The following SLC22A24 variants were observed in gnomAD, a reference collection of about 807,000 sequenced individuals.
SLC22A24 encodes solute carrier family 22 member 24, also known as steroid transmembrane transporter SLC22A24.
A neutral mutation model predicts 49.8 loss-of-function variants in SLC22A24; 53 were observed. The observed-to-expected ratio is 1.06, with a 90% CI of 0.85 to 1.34. The LOEUF (loss-of-function observed/expected upper bound fraction) is 1.34. SLC22A24 is among the 40% of genes most tolerant of loss of function. SLC22A24 has a pLI of 0.00. For synonymous variants in SLC22A24, 302 were observed against 256.4 expected, an observed-to-expected ratio of 1.18 and a Z score of -1.70; for missense variants, 786 against 675.9, an observed-to-expected ratio of 1.16 and a Z score of -1.81.
At chr11:63,137,678 C>A (rs2087385088) in intron 1 of SLC22A24, among the ~76,000 whole-genome samples, 1 of 152,120 alleles carries the variant, frequency 6.6e-6, no homozygotes, top group Non-Finnish European at 1.5e-5. Context: ...ATTCAGTTAC[C>A]CATGCAGCCC....
intron 6 of SLC22A24, among the ~76,000 whole-genome samples, chr11:63,092,949 C>A (rs1471217712): frequency 1.3e-5 from 2 of 152,044 alleles, no homozygotes; most frequent in Non-Finnish European, 2.9e-5. Flanking sequence ...ACCTATCTGA[C>A]AAAAGGCTAA....
intron 2 of SLC22A24, among the ~76,000 whole-genome samples, chr11:63,130,017 A>C (rs1355841749): frequency 6.6e-6 from 1 of 152,192 alleles, no homozygotes; most frequent in Non-Finnish European, 1.5e-5. Flanking sequence ...ACTATGTTGA[A>C]TAGGAGTGGT....
At position 63,110,439 on chromosome 11, in the gene SLC22A24, A is replaced by G. The variant is rs947177372; in HGVS notation, c.831-6141T>C. Among the ~76,000 whole-genome samples, 387 of 150,974 alleles carry G rather than the reference A, an allele frequency of 2.6e-3. 1 individual carries two copies. Among genetic ancestry groups the G allele is most frequent in the African/African-American group, 8.6e-3 (356 of 41,248 alleles). ...ATTGAATCTATAAATTATCTTGGGC[A>G]GTATGGCCATTTTCACGATATTGAT... On this transcript the variant is annotated intron_variant, in intron 4 of 9. Coordinates refer to ENST00000612278, the MANE Select transcript of SLC22A24 (RefSeq NM_001136506.2).
chr11:63,143,842 G>C lies in SLC22A24; in HGVS notation c.-63C>G. On this transcript the variant is annotated 5_prime_UTR_variant, in exon 1 of 10. Coordinates refer to ENST00000612278, the MANE Select transcript of SLC22A24 (RefSeq NM_001136506.2). Reference sequence around the variant, plus strand: ...GACTTTATGAAGAGAAGTTCAGAGGGAGAAAATGTCCCCTTTCACAAAGTT... The same window carrying C: ...GACTTTATGAAGAGAAGTTCAGAGGCAGAAAATGTCCCCTTTCACAAAGTT... The C allele has an allele frequency of 2.4e-6, 3 of 1,265,140 alleles. No individual in the cohort carries two copies. Among genetic ancestry groups the C allele is most frequent in the Non-Finnish European group, 3.0e-6 (3 of 993,028 alleles). 78.4% of individuals were successfully genotyped at this position (1,265,140 alleles called of 1,614,324 possible).
At chr11:63,134,621 T>C in intron 2 of SLC22A24, 44 bp downstream of exon 2, 4 of 1,093,672 alleles carry the variant, frequency 3.7e-6, no homozygotes, top group Non-Finnish European at 5.5e-6. Flanking sequence ...GGAATGAATA[T>C]ATCATCTGAT....
intron 2 of SLC22A24, among the ~76,000 whole-genome samples, chr11:63,122,609 G>T (rs1260273303): frequency 6.6e-6 from 1 of 152,078 alleles, no homozygotes; most frequent in East Asian, 1.9e-4. Context: ...CCGCCTCCTG[G>T]GTTCAAGCCA....
At chr11:63,121,794 G>A (rs747720757) in intron 2 of SLC22A24, among the ~76,000 whole-genome samples, 3 of 151,728 alleles carry the variant, frequency 2.0e-5, no homozygotes, top group Admixed American at 6.6e-5. Context: ...CCGACTCCCC[G>A]CCACCCCACA....
At chr11:63,087,972 G>T (rs1223903416) in intron 6 of SLC22A24, among the ~76,000 whole-genome samples, 2 of 152,164 alleles carry the variant, frequency 1.3e-5, no homozygotes, top group Admixed American at 1.3e-4. Flanking sequence ...AGGAGTGGCT[G>T]TGGGCGCAGC....
At chr11:63,137,157 G>T (rs182426091) in intron 1 of SLC22A24, among the ~76,000 whole-genome samples, 76 of 152,234 alleles carry the variant, frequency 5.0e-4, no homozygotes, top group East Asian at 1.9e-4. Flanking sequence ...AGGAGGTCTC[G>T]GTTGGTTCTT....
At chr11:63,081,703 AAGAAAC>A in intron 7 of SLC22A24, 37 bp from the exon 8 acceptor site, 1 of 1,430,864 alleles carries the variant, frequency 7.0e-7, no homozygotes, top group Non-Finnish European at 9.6e-7. Context: ...ATCTTGCCTG[AAGAAAC>A]TTTTCAACCC....
At chr11:63,126,298 C>G (rs1051795944) in intron 2 of SLC22A24, among the ~76,000 whole-genome samples, 3 of 152,204 alleles carry the variant, frequency 2.0e-5, no homozygotes, top group Non-Finnish European at 2.9e-5. Flanking sequence ...TTAGGTCTTA[C>G]TTTTAAGTCT....
At chr11:63,093,548 T>C (rs1285500268) in intron 6 of SLC22A24, among the ~76,000 whole-genome samples, 1 of 152,030 alleles carries the variant, frequency 6.6e-6, no homozygotes, top group Non-Finnish European at 1.5e-5. Flanking sequence ...TGCAGGAACA[T>C]GGGTGGGGCT....
chr11:63,141,055 T>A (rs2087412307), intron 1 of SLC22A24, among the ~76,000 whole-genome samples: 1 of 152,212 alleles, frequency 6.6e-6, no homozygotes, highest in Admixed American at 6.5e-5. Context: ...TCTGGGCCCA[T>A]GTGTCCAAAT....
chr11:63,105,487 C>A (rs2087115300), intron 4 of SLC22A24, among the ~76,000 whole-genome samples: 1 of 152,124 alleles, frequency 6.6e-6, no homozygotes, highest in African/African-American at 2.4e-5. Context: ...TGCTAAACCT[C>A]AATTTTTAAC....
intron 2 of SLC22A24, among the ~76,000 whole-genome samples, chr11:63,120,562 G>A (rs1247312668): frequency 6.6e-6 from 1 of 152,114 alleles, no homozygotes; most frequent in Non-Finnish European, 1.5e-5. Context: ...GGCAGAGAAT[G>A]AGAAACAAAG....
At chr11:63,099,519 C>T (rs955224667) in intron 5 of SLC22A24, among the ~76,000 whole-genome samples, 1 of 151,072 alleles carries the variant, frequency 6.6e-6, no homozygotes, top group Non-Finnish European at 1.5e-5. Flanking sequence ...AGTACTAATC[C>T]TACTCAAACT....
intron 4 of SLC22A24, among the ~76,000 whole-genome samples, chr11:63,115,212 G>A (rs1306590589): frequency 6.6e-6 from 1 of 152,210 alleles, no homozygotes; most frequent in African/African-American, 2.4e-5. Flanking sequence ...AGCTGTGGTG[G>A]GCTCCACCCA....
intron 5 of SLC22A24, among the ~76,000 whole-genome samples, chr11:63,101,945 G>C (rs958064684): frequency 6.6e-6 from 1 of 152,004 alleles, no homozygotes; most frequent in Non-Finnish European, 1.5e-5. Context: ...GACAAGAAAG[G>C]GTAGTTGTGG....
intron 3 of SLC22A24, 39 bp from the exon 4 acceptor site, chr11:63,119,119 A>G (rs1354807527): frequency 6.5e-6 from 10 of 1,527,002 alleles, no homozygotes; most frequent in African/African-American, 5.5e-5. Context: ...TTTTAGACAA[A>G]TGGTAATTTC....
Sources: gnomAD v4.1 joint callset for allele counts (sites outside exome capture counted in the v4.1 genomes callset) on GRCh38, gnomAD v4.1.1 for gene constraint, MANE v1.5 for transcripts, NCBI Gene and HGNC (gene_info 2026-07-23, HGNC 2026-07-21) for gene names.